RNF130: variants seen among roughly 807,000 people sequenced by gnomAD.
The protein encoded by RNF130 is E3 ubiquitin-protein ligase RNF130.
RNF130 carries 21 observed loss-of-function variants against 44.6 expected under a neutral mutation model. The observed-to-expected ratio is 0.47, with a 90% CI of 0.33 to 0.68. RNF130 has a LOEUF of 0.68. Ranked by LOEUF, RNF130 falls within the 30% of genes least tolerant of loss-of-function variation. RNF130 has a pLI of 0.02. For missense variants in RNF130, 479 were observed against 560.6 expected (o/e 0.85, Z 1.47); for synonymous variants, 214 against 210.4 (o/e 1.02, Z -0.15).
intron 2 of RNF130, 68 bp downstream of exon 2, chr5:180,040,385 A>G: frequency 7.0e-7 from 1 of 1,425,538 alleles, no homozygotes; most frequent in Non-Finnish European, 9.7e-7. Flanking sequence ...GCAGAGGCAG[A>G]ATGCTTACCT....
intron 2 of RNF130, among the ~76,000 whole-genome samples, chr5:180,019,504 A>T (rs1582194839): frequency 6.6e-6 from 1 of 152,100 alleles, no homozygotes; most frequent in East Asian, 1.9e-4. Context: ...TCTCAGGGAG[A>T]CTGCTGGCTC....
chr5:179,964,664 A>G (rs1762403731), intron 7 of RNF130, among the ~76,000 whole-genome samples: 1 of 152,234 alleles, frequency 6.6e-6, no homozygotes, highest in Non-Finnish European at 1.5e-5. Context: ...ATTTTTCTAG[A>G]AAAACATACT....
intron 1 of RNF130, among the ~76,000 whole-genome samples, chr5:180,056,200 T>C (rs1764816642): frequency 6.6e-6 from 1 of 152,102 alleles, no homozygotes; most frequent in Non-Finnish European, 1.5e-5. Flanking sequence ...TATAGATTTA[T>C]TCCCGCTGTT....
chr5:179,993,094 T>C (rs1162775002), intron 3 of RNF130, among the ~76,000 whole-genome samples: 1 of 152,252 alleles, frequency 6.6e-6, no homozygotes, highest in Non-Finnish European at 1.5e-5. Context: ...ATGGTGTATA[T>C]GTGCCACATT....
At chr5:179,978,539 G>A (rs903044322) in intron 4 of RNF130, among the ~76,000 whole-genome samples, 6 of 152,014 alleles carry the variant, frequency 3.9e-5, no homozygotes, top group Non-Finnish European at 8.8e-5. Flanking sequence ...AAATTAAGTC[G>A]GAATTCTAAT....
In RNF130 at chr5:179,971,262, G is replaced by C. The variant is rs953384478; in HGVS notation, c.849-756C>G. Among the ~76,000 whole-genome samples the C allele has an allele frequency of 4.6e-5, 7 of 152,200 alleles. No homozygotes were observed. In the East Asian group the frequency reaches 1.3e-3, roughly 29 times the overall value. On this transcript the variant is annotated intron_variant, in intron 5 of 8. Transcript: ENST00000521389. ...CTAGCACCCGGCCCAGCAGCCTTCT[G>C]AAGCTCTAGAGTCCTGGCCAAACAG...
At chr5:179,947,872 T>C (rs758352647) in intron 7 of RNF130, among the ~76,000 whole-genome samples, 25 of 152,222 alleles carry the variant, frequency 1.6e-4, no homozygotes, top group Non-Finnish European at 3.7e-4. Flanking sequence ...AGTATATCTA[T>C]ATACACAGAC....
chr5:179,961,616 A>G (rs1006841895), intron 8 of RNF130, among the ~76,000 whole-genome samples: 2 of 152,190 alleles, frequency 1.3e-5, no homozygotes, highest in African/African-American at 4.8e-5. Context: ...GCCTAGTGTA[A>G]TTATTTGCTT....
Position 179,980,172 on chromosome 5 carries a change from G to A in RNF130, c.722C>T (p.Ala241Val). Residue 241 changes from alanine to valine, a missense_variant, in exon 4 of 9, where the codon GCC becomes GTC. By Grantham distance (64) the Ala-to-Val change is moderately conservative (BLOSUM62 0). Coordinates refer to ENST00000521389, the MANE Select transcript of RNF130 (RefSeq NM_018434.6). ...TGTCCTGGTTGTCAATTTACTGATG[G>A]CTTTCTTGGCTGCATCTCCGAGACG... ...QRRLGDAAKK[A>V]ISKLTTRTVK... 6.2e-7 allele frequency: 1 copy of A among 1,613,950 alleles called. No individual in the cohort carries two copies. Among genetic ancestry groups the A allele is most frequent in the Non-Finnish European group, 8.5e-7 (1 of 1,179,938 alleles).
intron 5 of RNF130, among the ~76,000 whole-genome samples, chr5:179,973,216 C>T (rs980364787): frequency 6.6e-6 from 1 of 152,174 alleles, no homozygotes; most frequent in African/African-American, 2.4e-5. Context: ...GTCTCAAATT[C>T]CCATGGCACA....
At chr5:180,021,059 G>A (rs953173016) in intron 2 of RNF130, among the ~76,000 whole-genome samples, 2 of 152,148 alleles carry the variant, frequency 1.3e-5, no homozygotes, top group African/African-American at 4.8e-5. Flanking sequence ...TCTGCCTCGC[G>A]GGTTCAACTG....
At chr5:179,944,502 C>T (rs1487259680) in intron 7 of RNF130, among the ~76,000 whole-genome samples, 2 of 151,954 alleles carry the variant, frequency 1.3e-5, no homozygotes, top group South Asian at 2.1e-4. Context: ...CTTGCTCTGC[C>T]GCCCAGGCTG....
At chr5:180,042,487 AAGACAC>A (rs1195163246) in intron 1 of RNF130, among the ~76,000 whole-genome samples, 2 of 152,230 alleles carry the variant, frequency 1.3e-5, no homozygotes, top group Non-Finnish European at 2.9e-5. Context: ...CAACTATTGA[AAGACAC>A]AGACGATGCA....
intron 1 of RNF130, among the ~76,000 whole-genome samples, chr5:180,059,484 T>C (rs1001716282): frequency 6.6e-6 from 1 of 152,192 alleles, no homozygotes; most frequent in East Asian, 1.9e-4. Context: ...TGGAACTCAG[T>C]AGGTGCTTAA....
intron 7 of RNF130, among the ~76,000 whole-genome samples, chr5:179,948,325 C>A (rs1162991886): frequency 1.3e-5 from 2 of 152,342 alleles, no homozygotes; most frequent in East Asian, 1.9e-4. Flanking sequence ...AGCTTCATGG[C>A]AGACCTGGAA....
chr5:179,938,250 G>A (rs954705042), intron 7 of RNF130, among the ~76,000 whole-genome samples: 3 of 152,062 alleles, frequency 2.0e-5, no homozygotes, highest in African/African-American at 7.3e-5. Context: ...GAGTCACCGC[G>A]CCCAACCCTT....
At chr5:180,062,732 A>T (rs1167290730) in intron 1 of RNF130, among the ~76,000 whole-genome samples, 2 of 152,184 alleles carry the variant, frequency 1.3e-5, no homozygotes, top group Non-Finnish European at 2.9e-5. Context: ...AATGTGGTAG[A>T]CTTCTGTCAC....
downstream of RNF130, among the ~76,000 whole-genome samples, chr5:179,952,774 C>T (rs374960066): frequency 6.6e-5 from 10 of 152,196 alleles, no homozygotes; most frequent in East Asian, 1.4e-3. Context: ...ACAAAGCTTC[C>T]GACAGAATCA....
At chr5:179,966,183 C>T (rs566474386) in intron 7 of RNF130, among the ~76,000 whole-genome samples, 3 of 152,296 alleles carry the variant, frequency 2.0e-5, no homozygotes, top group East Asian at 3.9e-4. Context: ...TTCTTTCCTG[C>T]TAGTCGACAG....
Sources: gnomAD v4.1 joint callset for allele counts (sites outside exome capture counted in the v4.1 genomes callset) on GRCh38, gnomAD v4.1.1 for gene constraint, MANE v1.5 for transcripts, NCBI Gene and HGNC (gene_info 2026-07-23, HGNC 2026-07-21) for gene names.